The following STK10 variants were observed in gnomAD, a reference collection of about 807,000 sequenced individuals.
STK10 encodes the protein serine/threonine kinase 10.
Under a neutral mutation model 113.8 loss-of-function variants are expected in STK10, and 78 were observed. The ratio of observed to expected loss-of-function variants is 0.69; its 90% CI spans 0.57 to 0.83. The LOEUF (loss-of-function observed/expected upper bound fraction) is 0.83. Among genes scored for constraint, STK10 ranks in the 40% least tolerant of loss-of-function variants. STK10 has a pLI of 0.00. For missense variants in STK10, 1,109 were observed against 1,280.1 expected (o/e 0.87, Z 2.04); for synonymous variants, 465 against 494.7 (o/e 0.94, Z 0.80).
chr5:172,111,733 C>T (rs3103580), intron 4 of STK10, among the ~76,000 whole-genome samples: 45,961 of 152,118 alleles, frequency 0.3, 7,480 homozygotes, highest in African/African-American at 0.44. Context: ...GCTGTAATTT[C>T]CATAAAGAAA....
chr5:172,149,247 C>G (rs1770153558), intron 2 of STK10, among the ~76,000 whole-genome samples: 1 of 152,220 alleles, frequency 6.6e-6, no homozygotes. Context: ...AGGCCTAGCA[C>G]AGAAAACATT....
At chr5:172,083,925 GAA>G (rs58326550) in intron 10 of STK10, among the ~76,000 whole-genome samples, 2 of 85,784 alleles carry the variant, frequency 2.3e-5, no homozygotes, top group Non-Finnish European at 5.2e-5. Context: ...ACAAAAAAAA[GAA>G]AAAAAAAAAA....
chr5:172,084,189 G>T (rs1236803790), intron 10 of STK10, among the ~76,000 whole-genome samples: 1 of 151,744 alleles, frequency 6.6e-6, no homozygotes, highest in Non-Finnish European at 1.5e-5. Flanking sequence ...ATCACCTGAG[G>T]TCGGGGGTTC....
Position 172,087,623 on chromosome 5 carries a change from A to ATTTATTTT in STK10, c.1685+2608_1685+2609insAAAATAAA, listed in dbSNP as rs1462186039. Among the ~76,000 whole-genome samples, 192 of 85,160 alleles carry ATTTATTTT rather than the reference A, an allele frequency of 2.3e-3. 20 individuals are homozygous for ATTTATTTT. The highest frequency in any genetic ancestry group is 0.01 in the African/African-American group (174 of 17,190). 55.9% of individuals were successfully genotyped at this position (85,160 alleles called of 152,430 possible). On this transcript the variant is annotated intron_variant, in intron 10 of 18. Coordinates refer to ENST00000176763, the MANE Select transcript of STK10 (RefSeq NM_005990.4). ...ATTTTTTAAATTTATTTACTTATTT[A>ATTTATTTT]TTTTTTTTTTTTTTTTGAGACGGAG...
intron 1 of STK10, among the ~76,000 whole-genome samples, chr5:172,177,879 G>C (rs1055683659): frequency 6.6e-6 from 1 of 152,174 alleles, no homozygotes; most frequent in African/African-American, 2.4e-5. Flanking sequence ...CCAGGCTGGA[G>C]TGCAATGGCG....
At chr5:172,164,143 C>T (rs1376305275) in intron 1 of STK10, among the ~76,000 whole-genome samples, 1 of 143,082 alleles carries the variant, frequency 7.0e-6, no homozygotes, top group African/African-American at 2.6e-5. Flanking sequence ...ACCCGGGAGG[C>T]GGAGGTTGCA....
rs750317975 is a variant in STK10 at position 172,044,873 on chromosome 5, G to A, written c.*9C>T. The A allele has an allele frequency of 1.2e-5, 20 of 1,614,040 alleles. No individual in the cohort carries two copies. The highest frequency in any genetic ancestry group is 6.7e-5 in the East Asian group (3 of 44,890). ...CCACCAAGCTGCCAGCCACAGCCCCGGGCGGTTGTTAAGAAGCATCCGCAG... is the reference window on the plus strand; with the variant it reads ...CCACCAAGCTGCCAGCCACAGCCCCAGGCGGTTGTTAAGAAGCATCCGCAG... On this transcript the variant is annotated 3_prime_UTR_variant, in exon 19 of 19. Coordinates refer to ENST00000176763, the MANE Select transcript of STK10 (RefSeq NM_005990.4). This position sits in a 1 kb window ranked among gnomAD's most constrained non-coding sequence, Gnocchi z 4.5.
At chr5:172,138,491 G>A (rs965271390) in intron 2 of STK10, among the ~76,000 whole-genome samples, 4 of 151,784 alleles carry the variant, frequency 2.6e-5, no homozygotes, top group Non-Finnish European at 5.9e-5. Flanking sequence ...ATGCAAGAAA[G>A]TTAGAATTAA....
Position 172,096,414 on chromosome 5 carries a change from C to T in STK10, c.1005+12G>A, listed in dbSNP as rs1308658476. The T allele has an allele frequency of 1.2e-6, 2 of 1,610,828 alleles. No homozygotes were observed. Among genetic ancestry groups the T allele is most frequent in the East Asian group, 2.2e-5 (1 of 44,880 alleles). On this transcript the variant is annotated intron_variant, in intron 8 of 18. Coordinates refer to ENST00000176763, the MANE Select transcript of STK10 (RefSeq NM_005990.4). ...CCCAGCCCCCGCTAAGCCCCACTCT[C>T]CCTGGCCTTACGGAGGCGGCATCCA...
chr5:172,127,563 G>A (rs183937156), intron 2 of STK10, 142 bp from the exon 3 acceptor site: 2 of 786,968 alleles, frequency 2.5e-6, no homozygotes, highest in Non-Finnish European at 4.0e-6. Flanking sequence ...CTCCTGCCTT[G>A]GGAGCCCGTC....
chr5:172,066,722 G>A (rs1469116012), intron 12 of STK10, among the ~76,000 whole-genome samples: 1 of 152,224 alleles, frequency 6.6e-6, no homozygotes, highest in Non-Finnish European at 1.5e-5. Context: ...GGCGGCGTAG[G>A]TTGCAGTGAG....
At chr5:172,089,606 G>T (rs1171048161) in intron 10 of STK10, among the ~76,000 whole-genome samples, 1 of 152,136 alleles carries the variant, frequency 6.6e-6, no homozygotes, top group East Asian at 1.9e-4. Context: ...GGACGGATGG[G>T]TGATTGGGTG....
intron 4 of STK10, among the ~76,000 whole-genome samples, chr5:172,113,221 G>A (rs543369333): frequency 1.1e-3 from 172 of 151,860 alleles, no homozygotes; most frequent in African/African-American, 3.9e-3. Context: ...CACTGCACTG[G>A]GGGGGGTGTC....
At chr5:172,052,512 G>A (rs1767649460) in intron 18 of STK10, among the ~76,000 whole-genome samples, 1 of 152,232 alleles carries the variant, frequency 6.6e-6, no homozygotes, top group Non-Finnish European at 1.5e-5. Context: ...GCTGCTAAGT[G>A]TGTGGCAGTT....
chr5:172,088,457 G>C (rs1256867331), intron 10 of STK10, among the ~76,000 whole-genome samples: 1 of 152,140 alleles, frequency 6.6e-6, no homozygotes, highest in African/African-American at 2.4e-5. Context: ...CCGGGAGGCA[G>C]AAGTTGCACT....
chr5:172,046,264 G>A (rs1476052040), intron 18 of STK10, among the ~76,000 whole-genome samples: 2 of 150,956 alleles, frequency 1.3e-5, no homozygotes, highest in African/African-American at 4.9e-5. Flanking sequence ...GGAGGCTGAG[G>A]CAGGAGAATC....
At chr5:172,164,306 C>G (rs1457090708) in intron 1 of STK10, among the ~76,000 whole-genome samples, 1 of 151,594 alleles carries the variant, frequency 6.6e-6, no homozygotes, top group African/African-American at 2.4e-5. Flanking sequence ...GAGACTGCTG[C>G]AAGCTCTCCT....
intron 4 of STK10, 76 bp downstream of exon 4, chr5:172,117,405 C>A: frequency 6.4e-7 from 1 of 1,564,988 alleles, no homozygotes; most frequent in South Asian, 1.1e-5. Flanking sequence ...CACACTCCCA[C>A]TGGCCTGCAG....
At chr5:172,184,281 T>C (rs1770914676) in intron 1 of STK10, among the ~76,000 whole-genome samples, 1 of 152,166 alleles carries the variant, frequency 6.6e-6, no homozygotes, top group Admixed American at 6.5e-5. Flanking sequence ...AAGCAATACC[T>C]ACTTCGACTT....
Sources: allele counts gnomAD v4.1 joint callset (sites outside exome capture counted in the v4.1 genomes callset), GRCh38; gene constraint gnomAD v4.1.1; non-coding constraint Gnocchi (gnomAD v3.1); transcripts MANE v1.5; gene names NCBI Gene and HGNC (gene_info 2026-07-23, HGNC 2026-07-21).